Variants in LRRC4C observed in about 807,000 individuals in gnomAD.
LRRC4C encodes the protein leucine-rich repeat-containing protein 4C.
A neutral mutation model predicts 33.6 loss-of-function variants in LRRC4C; 5 were observed. The observed-to-expected ratio is 0.15, with a 90% CI of 0.08 to 0.31. LRRC4C has a LOEUF of 0.31. LRRC4C is among the 10% of genes least tolerant of loss of function. The probability of loss-of-function intolerance (pLI) is 1.00; values close to 1 mark genes in which losing one functional copy is unlikely to be tolerated. For missense variants in LRRC4C, 560 were observed against 796.7 expected, an observed-to-expected ratio of 0.70 and a Z score of 3.58; for synonymous variants, 329 against 302.0, an observed-to-expected ratio of 1.09 and a Z score of -0.93.
intron 3 of LRRC4C, among the ~76,000 whole-genome samples, chr11:40,364,843 A>T (rs1948137212): frequency 6.6e-6 from 1 of 151,988 alleles, no homozygotes; most frequent in Admixed American, 6.6e-5. Context: ...AAAAAGACAG[A>T]CTTCTTATTG....
intron 1 of LRRC4C, among the ~76,000 whole-genome samples, chr11:41,290,557 A>G (rs917270042): frequency 6.6e-6 from 1 of 152,140 alleles, no homozygotes; most frequent in African/African-American, 2.4e-5. Context: ...ACTCATCAAG[A>G]TGTGTTCCAA....
At chr11:40,265,254 G>A (rs1942161745) in intron 4 of LRRC4C, among the ~76,000 whole-genome samples, 1 of 152,124 alleles carries the variant, frequency 6.6e-6, no homozygotes, top group Non-Finnish European at 1.5e-5. Flanking sequence ...TTCTTGGGAT[G>A]ACTGATCTCA....
Position 40,175,078 on chromosome 11 carries a change from T to C in LRRC4C, c.-95-34225A>G, listed in dbSNP as rs532029284. 7.0e-4 allele frequency among the ~76,000 whole-genome samples: 106 copies of C among 152,332 alleles called. 1 individual carries two copies. The highest frequency in any genetic ancestry group is 2.3e-3 in the African/African-American group (97 of 41,582). On this transcript the variant is annotated intron_variant, in intron 5 of 6. Transcript: ENST00000528697. ...AATACATCTAGCTCTACCATTACCA[T>C]GTAAGATAATATCAGCTTATCAGCT...
chr11:40,940,558 A>T (rs1958095773), intron 1 of LRRC4C, among the ~76,000 whole-genome samples: 1 of 152,032 alleles, frequency 6.6e-6, no homozygotes, highest in Non-Finnish European at 1.5e-5. Flanking sequence ...CCTATTTTTA[A>T]CCATCATCTT....
chr11:40,370,025 A>G (rs1948381646), intron 3 of LRRC4C, among the ~76,000 whole-genome samples: 1 of 152,190 alleles, frequency 6.6e-6, no homozygotes, highest in Non-Finnish European at 1.5e-5. Flanking sequence ...ATTTTAAAGT[A>G]AAATGGCACT....
At chr11:41,363,355 G>C (rs1178787121) in intron 1 of LRRC4C, among the ~76,000 whole-genome samples, 7 of 152,312 alleles carry the variant, frequency 4.6e-5, no homozygotes, top group African/African-American at 1.7e-4. Context: ...CATCCATTCT[G>C]AAATTTGCGG....
At chr11:40,390,987 T>C (rs1040075590) in intron 3 of LRRC4C, among the ~76,000 whole-genome samples, 1 of 152,088 alleles carries the variant, frequency 6.6e-6, no homozygotes, top group South Asian at 2.1e-4. Flanking sequence ...GTTCAAGCAA[T>C]TGTGGTGCCT....
intron 1 of LRRC4C, among the ~76,000 whole-genome samples, chr11:41,337,997 C>T (rs1004143606): frequency 4.6e-5 from 7 of 152,096 alleles, no homozygotes; most frequent in African/African-American, 1.7e-4. Context: ...ACCATCCCAT[C>T]CCAATCACAA....
At chr11:41,399,065 A>C (rs1174908977) in intron 1 of LRRC4C, among the ~76,000 whole-genome samples, 2 of 151,984 alleles carry the variant, frequency 1.3e-5, no homozygotes, top group African/African-American at 4.8e-5. Context: ...GAAAGAACTG[A>C]CCAAAGCATC....
intron 1 of LRRC4C, among the ~76,000 whole-genome samples, chr11:41,210,805 C>G (rs1337594493): frequency 2.0e-5 from 3 of 152,256 alleles, no homozygotes; most frequent in East Asian, 3.9e-4. Flanking sequence ...AGTCCCCAAT[C>G]TTTTTGGTAC....
chr11:41,395,039 T>G (rs1298104824), intron 1 of LRRC4C, among the ~76,000 whole-genome samples: 1 of 151,962 alleles, frequency 6.6e-6, no homozygotes, highest in Non-Finnish European at 1.5e-5. Flanking sequence ...AAGGGAGTAC[T>G]GTTTGGCTCT....
chr11:40,348,933 A>G (rs1291004522), intron 3 of LRRC4C, among the ~76,000 whole-genome samples: 2 of 152,224 alleles, frequency 1.3e-5, no homozygotes, highest in Admixed American at 1.3e-4. Context: ...AGTGTATTTA[A>G]TTTTTTATTT....
chr11:40,403,751 C>T (rs1396203653), intron 3 of LRRC4C, among the ~76,000 whole-genome samples: 1 of 151,962 alleles, frequency 6.6e-6, no homozygotes, highest in African/African-American at 2.4e-5. Context: ...CAATTAGCAT[C>T]CTAAATCTCA....
chr11:40,311,850 CAGG>C (rs923962741), intron 4 of LRRC4C, among the ~76,000 whole-genome samples: 5 of 146,646 alleles, frequency 3.4e-5, no homozygotes, highest in African/African-American at 1.3e-4. Context: ...GAGGCTGAGG[CAGG>C]AGAATTGCTT....
chr11:41,166,875 T>C (rs2136069437), intron 1 of LRRC4C, among the ~76,000 whole-genome samples: 1 of 152,322 alleles, frequency 6.6e-6, no homozygotes, highest in South Asian at 2.1e-4. Flanking sequence ...CCATGGCAAT[T>C]CATCTCTAAC....
intron 3 of LRRC4C, among the ~76,000 whole-genome samples, chr11:40,410,858 C>A (rs966243976): frequency 1.3e-5 from 2 of 152,024 alleles, no homozygotes; most frequent in Non-Finnish European, 2.9e-5. Flanking sequence ...AGTTTAAGTC[C>A]AATTAGCTTT....
chr11:40,161,758 G>GA (rs904460474), intron 5 of LRRC4C, among the ~76,000 whole-genome samples: 1 of 151,870 alleles, frequency 6.6e-6, no homozygotes, highest in African/African-American at 2.4e-5. Context: ...CTCCTTCTCC[G>GA]AAAAAAATTA....
At chr11:41,088,358 T>G (rs146364810) in intron 1 of LRRC4C, among the ~76,000 whole-genome samples, 1 of 152,176 alleles carries the variant, frequency 6.6e-6, no homozygotes, top group Non-Finnish European at 1.5e-5. Context: ...TTTAAGAAAA[T>G]ATTAAAGGAG....
chr11:41,406,500 TA>T (rs2138163480), intron 1 of LRRC4C, among the ~76,000 whole-genome samples: 2 of 152,254 alleles, frequency 1.3e-5, no homozygotes, highest in East Asian at 3.9e-4. Context: ...AGGAATAAGA[TA>T]GGGGTCTCTG....
Sources: gnomAD v4.1 joint callset for allele counts (sites outside exome capture counted in the v4.1 genomes callset) on GRCh38, gnomAD v4.1.1 for gene constraint, MANE v1.5 for transcripts, NCBI Gene and HGNC (gene_info 2026-07-23, HGNC 2026-07-21) for gene names.